KIF6: variants seen among roughly 807,000 people sequenced by gnomAD.
The protein encoded by KIF6 is kinesin-like protein KIF6.
A neutral mutation model predicts 112.7 loss-of-function variants in KIF6; 106 were observed. The ratio of observed to expected loss-of-function variants is 0.94; its 90% CI spans 0.80 to 1.11. The LOEUF (loss-of-function observed/expected upper bound fraction) is 1.11, where lower values mean the gene tolerates loss of function less well. Among genes scored for constraint, KIF6 ranks in the 50% least tolerant of loss-of-function variants. The pLI, the probability that KIF6 is intolerant of heterozygous loss-of-function variation, is 0.00. For missense variants in KIF6, 929 were observed against 964.0 expected (o/e 0.96, Z 0.48); for synonymous variants, 339 against 339.9 (o/e 1.00, Z 0.03).
chr6:39,375,927 A>G (rs758305481), intron 16 of KIF6, among the ~76,000 whole-genome samples: 2 of 152,218 alleles, frequency 1.3e-5, no homozygotes, highest in South Asian at 2.1e-4. Context: ...GCCCTCCAGA[A>G]TGGTTGGTGC....
At chr6:39,508,859 T>G (rs1011353367) in intron 13 of KIF6, among the ~76,000 whole-genome samples, 46 of 152,312 alleles carry the variant, frequency 3.0e-4, no homozygotes, top group African/African-American at 1.1e-3. Flanking sequence ...CTGCCAGCAC[T>G]GAAGAGAGCA....
chr6:39,702,107 C>T (rs1582481945), intron 3 of KIF6, among the ~76,000 whole-genome samples: 1 of 152,300 alleles, frequency 6.6e-6, no homozygotes, highest in Non-Finnish European at 1.5e-5. Context: ...GACCCTTCTC[C>T]TTGTTTACCT....
chr6:39,574,966 A>C (rs189903404), intron 10 of KIF6, among the ~76,000 whole-genome samples: 1 of 152,078 alleles, frequency 6.6e-6, no homozygotes, highest in East Asian at 1.9e-4. Context: ...ATATTTTTTC[A>C]TTTCCAAGAT....
At chr6:39,671,083 C>A (rs1786789332) in intron 3 of KIF6, among the ~76,000 whole-genome samples, 1 of 152,154 alleles carries the variant, frequency 6.6e-6, no homozygotes, top group Non-Finnish European at 1.5e-5. Flanking sequence ...TTCCTGACTT[C>A]AAGAAGCTTA....
chr6:39,567,630 C>T (rs1231522241), intron 10 of KIF6, among the ~76,000 whole-genome samples: 11 of 144,524 alleles, frequency 7.6e-5, no homozygotes, highest in Admixed American at 1.4e-4. Flanking sequence ...TTTTTTGAGA[C>T]GGAGTCTCGC....
chr6:39,513,379 C>T (rs1481165699), intron 13 of KIF6, among the ~76,000 whole-genome samples: 1 of 152,202 alleles, frequency 6.6e-6, no homozygotes, highest in Non-Finnish European at 1.5e-5. Flanking sequence ...TCCCCACTCA[C>T]CACAATCCAC....
In KIF6 at chr6:39,580,269, A is replaced by G. The variant is rs116810483; in HGVS notation, c.1078-2110T>C. 9.4e-3 allele frequency among the ~76,000 whole-genome samples: 1,431 copies of G among 152,170 alleles called. 32 individuals carry two copies. The highest frequency in any genetic ancestry group is 0.032 in the African/African-American group (1,334 of 41,550). ...TGTTGACACTGTAAATAGAATTTTTATAAAATTATATATTCTAACTGTTGG... is the reference window on the plus strand; with the variant it reads ...TGTTGACACTGTAAATAGAATTTTTGTAAAATTATATATTCTAACTGTTGG... On this transcript the variant is annotated intron_variant, in intron 9 of 22. Transcript: ENST00000287152.
rs1781391259 is a variant in KIF6, at chr6:39,583,213, A to C, written c.1077+1685T>G. On this transcript the variant is annotated intron_variant, in intron 9 of 22. Transcript: ENST00000287152. ...GTTTATTTTCCTTAAATTCTGAACT[A>C]GTTTTTGTCTTGGGGCTAATAACTT... is the stretch of plus-strand genomic sequence containing the variant. The C allele has an allele frequency of 1.2e-5, 3 of 242,926 alleles. No homozygotes were observed. The South Asian group carries it at 1.5e-4, about 12-fold the overall frequency. 15.0% of individuals were successfully genotyped at this position (242,926 alleles called of 1,614,324 possible).
chr6:39,684,200 T>C (rs541258273), intron 3 of KIF6, among the ~76,000 whole-genome samples: 1 of 152,250 alleles, frequency 6.6e-6, no homozygotes, highest in African/African-American at 2.4e-5. Flanking sequence ...CACAGTATGA[T>C]GTTATGAAAA....
intron 3 of KIF6, among the ~76,000 whole-genome samples, chr6:39,695,843 A>T (rs1321350798): frequency 6.6e-6 from 1 of 152,150 alleles, no homozygotes; most frequent in African/African-American, 2.4e-5. Flanking sequence ...AGACACCCAC[A>T]CTCGTATTCT....
At chr6:39,391,836 T>G (rs1767919902) in intron 15 of KIF6, among the ~76,000 whole-genome samples, 1 of 152,158 alleles carries the variant, frequency 6.6e-6, no homozygotes. Flanking sequence ...ATTTTACTCT[T>G]CAGTTTAGGG....
intron 3 of KIF6, among the ~76,000 whole-genome samples, chr6:39,674,154 T>A (rs1786998004): frequency 6.6e-6 from 1 of 152,192 alleles, no homozygotes; most frequent in Admixed American, 6.5e-5. Flanking sequence ...CACCCTTTAC[T>A]GACATATATT....
intron 6 of KIF6, 84 bp downstream of exon 6, chr6:39,613,102 CTAT>C (rs1259323028): frequency 9.0e-7 from 1 of 1,105,876 alleles, no homozygotes; most frequent in African/African-American, 1.6e-5. Context: ...CCCTAAACTT[CTAT>C]TATATCTTTT....
intron 13 of KIF6, among the ~76,000 whole-genome samples, chr6:39,521,660 G>T (rs1305845221): frequency 6.6e-6 from 1 of 152,092 alleles, no homozygotes; most frequent in Admixed American, 6.6e-5. Flanking sequence ...CAGTACCTTG[G>T]TTCCAACTTC....
chr6:39,641,180 T>C (rs1447757526), intron 3 of KIF6, among the ~76,000 whole-genome samples: 1 of 152,176 alleles, frequency 6.6e-6, no homozygotes, highest in Non-Finnish European at 1.5e-5. Context: ...TGGCCATAAA[T>C]GCTGTAGGTA....
intron 13 of KIF6, among the ~76,000 whole-genome samples, chr6:39,433,138 G>T (rs73424674): frequency 0.012 from 1,818 of 152,356 alleles, 36 homozygotes; most frequent in African/African-American, 0.04. Flanking sequence ...CACTGTGGCG[G>T]CAGCCACTCC....
At chr6:39,668,895 A>G (rs1274124181) in intron 3 of KIF6, among the ~76,000 whole-genome samples, 2 of 152,140 alleles carry the variant, frequency 1.3e-5, no homozygotes, top group Admixed American at 1.3e-4. Flanking sequence ...ATTTATGTGG[A>G]AAAAAATTTT....
chr6:39,353,955 GCTA>G, intron 19 of KIF6: 1 of 523,176 alleles, frequency 1.9e-6, no homozygotes, highest in Admixed American at 2.3e-5. Flanking sequence ...CAGCAGGACT[GCTA>G]CTGAGGGCAC....
At chr6:39,380,082 G>C (rs1014048344) in intron 16 of KIF6, among the ~76,000 whole-genome samples, 1 of 152,198 alleles carries the variant, frequency 6.6e-6, no homozygotes, top group Non-Finnish European at 1.5e-5. Flanking sequence ...ATTTGGGGTC[G>C]ATAGTACAGT....
Sources: gnomAD v4.1 joint callset for allele counts (sites outside exome capture counted in the v4.1 genomes callset) on GRCh38, gnomAD v4.1.1 for gene constraint, MANE v1.5 for transcripts, NCBI Gene and HGNC (gene_info 2026-07-23, HGNC 2026-07-21) for gene names.